Variants in PTPRM observed in about 807,000 individuals in gnomAD.
The protein encoded by PTPRM is receptor-type tyrosine-protein phosphatase mu.
PTPRM carries 47 observed loss-of-function variants against 186.7 expected under a neutral mutation model. That is an observed-to-expected ratio of 0.25 (90% CI 0.20 to 0.32). The LOEUF (loss-of-function observed/expected upper bound fraction) is 0.32. Among genes scored for constraint, PTPRM ranks in the 10% least tolerant of loss-of-function variants. The pLI is 1.00. For synonymous variants in PTPRM, 668 were observed against 674.9 expected (o/e 0.99, Z 0.16); for missense variants, 1,494 against 1,865.0 (o/e 0.80, Z 3.66).
intron 7 of PTPRM, among the ~76,000 whole-genome samples, chr18:7,964,777 G>C (rs1308772071): frequency 6.6e-6 from 1 of 152,116 alleles, no homozygotes; most frequent in Non-Finnish European, 1.5e-5. Context: ...CCAAGAAAAA[G>C]AAATGATCAC....
intron 2 of PTPRM, among the ~76,000 whole-genome samples, chr18:7,784,452 G>C (rs2043003715): frequency 6.6e-6 from 1 of 152,118 alleles, no homozygotes; most frequent in South Asian, 2.1e-4. Flanking sequence ...AATACCTGCT[G>C]TGACTCCTAA....
At chr18:7,767,827 T>C (rs1285268400) in intron 1 of PTPRM, among the ~76,000 whole-genome samples, 1 of 152,192 alleles carries the variant, frequency 6.6e-6, no homozygotes, top group African/African-American at 2.4e-5. Flanking sequence ...ATGAACAAGT[T>C]CGTTGATTTT....
At chr18:7,643,603 G>A (rs1245350438) in intron 1 of PTPRM, among the ~76,000 whole-genome samples, 1 of 152,168 alleles carries the variant, frequency 6.6e-6, no homozygotes, top group Non-Finnish European at 1.5e-5. Context: ...GCCTCGCAAA[G>A]TGCTGGGATT....
chr18:8,296,547 G>A (rs2095099156), intron 20 of PTPRM, 92 bp downstream of exon 20: 2 of 883,232 alleles, frequency 2.3e-6, no homozygotes, highest in Non-Finnish European at 3.7e-6. Flanking sequence ...GAAATTTACA[G>A]TGCAATTACC....
At chr18:8,007,168 T>C (rs1161421394) in intron 7 of PTPRM, among the ~76,000 whole-genome samples, 1 of 152,246 alleles carries the variant, frequency 6.6e-6, no homozygotes, top group Non-Finnish European at 1.5e-5. Context: ...GTGGTTTTTA[T>C]GATCAGACAA....
intron 7 of PTPRM, among the ~76,000 whole-genome samples, chr18:8,017,512 G>A (rs1389732632): frequency 1.4e-5 from 2 of 145,192 alleles, no homozygotes; most frequent in Non-Finnish European, 3.0e-5. Context: ...GGACCCGGGA[G>A]GCAGAGGTTG....
At chr18:7,701,130 C>A (rs2039956119) in intron 1 of PTPRM, among the ~76,000 whole-genome samples, 1 of 151,392 alleles carries the variant, frequency 6.6e-6, no homozygotes. Flanking sequence ...ATGGTGAAAC[C>A]CCGTTTCTAC....
At chr18:8,188,014 A>G (rs1317743294) in intron 14 of PTPRM, among the ~76,000 whole-genome samples, 1 of 152,178 alleles carries the variant, frequency 6.6e-6, no homozygotes, top group African/African-American at 2.4e-5. Context: ...TTCTCATTCC[A>G]TGAGCTAAAA....
chr18:8,211,553 G>A (rs190325874), intron 14 of PTPRM, among the ~76,000 whole-genome samples: 13,148 of 151,110 alleles, frequency 0.087, 697 homozygotes, highest in Middle Eastern at 0.33. Context: ...ACAGGCACCC[G>A]CCACCACCCC....
intron 7 of PTPRM, among the ~76,000 whole-genome samples, chr18:7,999,411 A>G (rs879651087): frequency 3.9e-5 from 6 of 152,126 alleles, no homozygotes; most frequent in Non-Finnish European, 7.4e-5. Flanking sequence ...AGTCAAGTCA[A>G]TGATACAGAT....
At chr18:8,038,028 CT>C (rs1314960235) in intron 7 of PTPRM, among the ~76,000 whole-genome samples, 6 of 152,104 alleles carry the variant, frequency 3.9e-5, no homozygotes, top group African/African-American at 1.4e-4. Context: ...CTCTGAGCTT[CT>C]TGTCTTTTCA....
At chr18:7,776,981 T>TTTCTTTTTC (rs2042617237) in intron 2 of PTPRM, among the ~76,000 whole-genome samples, 1 of 151,652 alleles carries the variant, frequency 6.6e-6, no homozygotes, top group Admixed American at 6.6e-5. Flanking sequence ...TCACCTTCTT[T>TTTCTTTTTC]TTCTTCTCCT....
At chr18:8,305,831 C>A (rs2095215686) in intron 20 of PTPRM, among the ~76,000 whole-genome samples, 1 of 152,054 alleles carries the variant, frequency 6.6e-6, no homozygotes, top group African/African-American at 2.4e-5. Flanking sequence ...CATACTGGCT[C>A]TTTGTGCTTT....
At chr18:8,081,866 A>G (rs2090147322) in intron 9 of PTPRM, among the ~76,000 whole-genome samples, 1 of 152,158 alleles carries the variant, frequency 6.6e-6, no homozygotes, top group African/African-American at 2.4e-5. Flanking sequence ...TAGTGTATAC[A>G]TGTGTTTTTT....
At chr18:7,722,272 C>CT (rs1244647508) in intron 1 of PTPRM, among the ~76,000 whole-genome samples, 1 of 152,146 alleles carries the variant, frequency 6.6e-6, no homozygotes, top group Non-Finnish European at 1.5e-5. Context: ...TTCAGATTGG[C>CT]TTCTTTCACT....
At chr18:7,995,065 C>G (rs1371852082) in intron 7 of PTPRM, among the ~76,000 whole-genome samples, 1 of 151,516 alleles carries the variant, frequency 6.6e-6, no homozygotes, top group Admixed American at 6.6e-5. Flanking sequence ...ATAGATAAAC[C>G]TTTAGCTAGA....
At chr18:8,190,306 T>C (rs1224353329) in intron 14 of PTPRM, among the ~76,000 whole-genome samples, 7 of 152,256 alleles carry the variant, frequency 4.6e-5, no homozygotes, top group African/African-American at 1.7e-4. Flanking sequence ...TAACCACCTA[T>C]CTTCTCCCTG....
chr18:8,377,591 A>C (rs1373640398), intron 26 of PTPRM: 1 of 152,178 alleles, frequency 6.6e-6, no homozygotes, highest in African/African-American at 2.4e-5. Context: ...TAAAGGTCAT[A>C]TTTATGTATA....
At chr18:7,939,583 G>A (rs78500905) in intron 5 of PTPRM, among the ~76,000 whole-genome samples, 1,871 of 152,190 alleles carry the variant, frequency 0.012, 28 homozygotes, top group African/African-American at 0.043. Flanking sequence ...CTTTTATAAA[G>A]AGCTGTATTT....
Sources: allele counts gnomAD v4.1 joint callset (sites outside exome capture counted in the v4.1 genomes callset), GRCh38; gene constraint gnomAD v4.1.1; transcripts MANE v1.5; gene names NCBI Gene and HGNC (gene_info 2026-07-23, HGNC 2026-07-21).